PALS2: variants seen among roughly 807,000 people sequenced by gnomAD.
The protein encoded by PALS2 is protein PALS2.
A neutral mutation model predicts 61.6 loss-of-function variants in PALS2; 27 were observed. The ratio of observed to expected loss-of-function variants is 0.44; its 90% CI spans 0.32 to 0.60. The LOEUF is 0.60. Among genes scored for constraint, PALS2 ranks in the 20% least tolerant of loss-of-function variants. PALS2 has a pLI of 0.05. For synonymous variants in PALS2, 236 were observed against 218.6 expected (o/e 1.08, Z -0.70); for missense variants, 554 against 639.4 (o/e 0.87, Z 1.44).
chr7:24,586,280 G>A (rs1339709426), intron 1 of PALS2, among the ~76,000 whole-genome samples: 1 of 152,114 alleles, frequency 6.6e-6, no homozygotes, highest in African/African-American at 2.4e-5. Flanking sequence ...GTGGCAGACT[G>A]TAAGTTCTGA....
chr7:24,620,172 A>G (rs1297081119), intron 1 of PALS2: 2 of 152,222 alleles, frequency 1.3e-5, no homozygotes, highest in African/African-American at 4.8e-5. Context: ...ACAGCAGGAG[A>G]GATTTCTGTA....
At chr7:24,599,524 T>TTA (rs1254406240) in intron 1 of PALS2, among the ~76,000 whole-genome samples, 3 of 148,834 alleles carry the variant, frequency 2.0e-5, no homozygotes, top group Non-Finnish European at 4.5e-5. Flanking sequence ...TTTTTTTTTT[T>TTA]TATGGAGTCT....
At chr7:24,682,057 ATTGTGAGCT>A (rs1419293990) in intron 11 of PALS2, among the ~76,000 whole-genome samples, 2 of 152,158 alleles carry the variant, frequency 1.3e-5, no homozygotes, top group African/African-American at 4.8e-5. Flanking sequence ...GATGCCAGAC[ATTGTGAGCT>A]TTGTTCTAGG....
At chr7:24,667,211 A>G (rs1787066199) in intron 8 of PALS2, among the ~76,000 whole-genome samples, 1 of 152,208 alleles carries the variant, frequency 6.6e-6, no homozygotes, top group African/African-American at 2.4e-5. Flanking sequence ...TTCATAAAAT[A>G]TATGCCCATA....
At chr7:24,681,341 C>T (rs1787918255) in intron 11 of PALS2, among the ~76,000 whole-genome samples, 1 of 152,048 alleles carries the variant, frequency 6.6e-6, no homozygotes, top group Non-Finnish European at 1.5e-5. Context: ...AATTAGACCC[C>T]TCCCCACTTC....
intron 1 of PALS2, among the ~76,000 whole-genome samples, chr7:24,603,785 A>G (rs1378442934): frequency 6.6e-6 from 1 of 152,228 alleles, no homozygotes; most frequent in Non-Finnish European, 1.5e-5. Context: ...TCCTGACAGC[A>G]TACCTTGGAG....
At chr7:24,580,662 A>G (rs907910807) in intron 1 of PALS2, among the ~76,000 whole-genome samples, 6 of 152,220 alleles carry the variant, frequency 3.9e-5, no homozygotes, top group Non-Finnish European at 8.8e-5. Flanking sequence ...ATTATAACAC[A>G]GTGCTTATAC....
chr7:24,617,740 T>C (rs1212122755), intron 1 of PALS2, among the ~76,000 whole-genome samples: 1 of 152,074 alleles, frequency 6.6e-6, no homozygotes, highest in African/African-American at 2.4e-5. Flanking sequence ...AGGTCAGGGG[T>C]GCATGAGTGA....
intron 2 of PALS2, among the ~76,000 whole-genome samples, chr7:24,634,081 TTTA>T (rs1249449632): frequency 1.3e-5 from 2 of 151,106 alleles, no homozygotes; most frequent in Non-Finnish European, 3.0e-5. Context: ...CATATTTATT[TTTA>T]TTATGAAGTT....
At chr7:24,680,067 A>G (rs1007886522) in intron 10 of PALS2, among the ~76,000 whole-genome samples, 1 of 152,188 alleles carries the variant, frequency 6.6e-6, no homozygotes, top group Non-Finnish European at 1.5e-5. Flanking sequence ...TCTCCAATTA[A>G]TCAACATTGA....
chr7:24,590,441 T>G (rs1241037777), intron 1 of PALS2, among the ~76,000 whole-genome samples: 1 of 152,066 alleles, frequency 6.6e-6, no homozygotes, highest in Non-Finnish European at 1.5e-5. Flanking sequence ...CAAGACCACT[T>G]CGTAGTTTCT....
chr7:24,608,062 C>T (rs1335283496), intron 1 of PALS2, among the ~76,000 whole-genome samples: 1 of 152,064 alleles, frequency 6.6e-6, no homozygotes, highest in East Asian at 1.9e-4. Flanking sequence ...CACATACATA[C>T]ACATATTTAT....
At chr7:24,660,447 T>G (rs1786658432) in intron 5 of PALS2, among the ~76,000 whole-genome samples, 1 of 152,188 alleles carries the variant, frequency 6.6e-6, no homozygotes, top group Non-Finnish European at 1.5e-5. Context: ...ATAGAAAGGT[T>G]GCATAGTACA....
chr7:24,677,158 A>G (rs1787655712), intron 9 of PALS2, among the ~76,000 whole-genome samples: 1 of 152,060 alleles, frequency 6.6e-6, no homozygotes, highest in South Asian at 2.1e-4. Context: ...GAGTTCACTC[A>G]TGATTTGGCT....
chr7:24,653,219 T>G (rs916297629), intron 5 of PALS2, among the ~76,000 whole-genome samples: 3 of 152,188 alleles, frequency 2.0e-5, no homozygotes, highest in Non-Finnish European at 4.4e-5. Flanking sequence ...CAAGTTAGAT[T>G]TATTATCCCA....
rs1785210145 is a variant in PALS2 at position 24,635,872 on chromosome 7, T to A, written c.118-5844T>A. Among the ~76,000 whole-genome samples the A allele has an allele frequency of 3.3e-5, 5 of 152,134 alleles. No individual in the cohort carries two copies. The South Asian group carries it at 1.0e-3, about 32-fold the overall frequency. ...TGTAATGTGTAATCTTGCTACATGTTATTTTGTACATACACACACACACCT... is the reference window on the plus strand; with the variant it reads ...TGTAATGTGTAATCTTGCTACATGTAATTTTGTACATACACACACACACCT... On this transcript the variant is annotated intron_variant, in intron 2 of 11. Transcript: ENST00000222644.
At chr7:24,681,753 A>G (rs1184464227) in intron 11 of PALS2, among the ~76,000 whole-genome samples, 2 of 152,094 alleles carry the variant, frequency 1.3e-5, no homozygotes, top group Non-Finnish European at 2.9e-5. Context: ...CATCATCTCC[A>G]CACATTCGCC....
rs1327000093 is a variant in PALS2 at position 24,680,381 on chromosome 7, C to CT, written c.1318-7dup. ...TTGTATAAATTGGCTTATAATTATT[C>CT]TTTTACACAGGCACTGAAAGTATTG... On this transcript the variant is annotated splice_polypyrimidine_tract_variant and intron_variant, in intron 10 of 11. Coordinates refer to ENST00000222644, the MANE Select transcript of PALS2 (RefSeq NM_001303037.2). 1 of 1,608,724 alleles carries CT rather than the reference C, an allele frequency of 6.2e-7. No homozygotes were observed. The highest frequency in any genetic ancestry group is 1.1e-5 in the South Asian group (1 of 90,816).
chr7:24,607,511 ATATG>A (rs2128050347), intron 1 of PALS2, among the ~76,000 whole-genome samples: 1 of 151,658 alleles, frequency 6.6e-6, no homozygotes, highest in South Asian at 2.1e-4. Flanking sequence ...ATGTGTATAT[ATATG>A]TGTATATATG....
Sources: gnomAD v4.1 joint callset for allele counts (sites outside exome capture counted in the v4.1 genomes callset) on GRCh38, gnomAD v4.1.1 for gene constraint, MANE v1.5 for transcripts, NCBI Gene and HGNC (gene_info 2026-07-23, HGNC 2026-07-21) for gene names.